The following RANBP2 variants were observed in gnomAD, a reference collection of about 807,000 sequenced individuals.
RANBP2 encodes E3 SUMO-protein ligase RanBP2.
A neutral mutation model predicts 303.6 loss-of-function variants in RANBP2; 57 were observed. The ratio of observed to expected loss-of-function variants is 0.19; its 90% CI spans 0.15 to 0.23. The LOEUF is 0.23. RANBP2 is among the 10% of genes least tolerant of loss of function. The pLI is 1.00. For missense variants in RANBP2, 3,138 were observed against 3,780.8 expected (o/e 0.83, Z 4.46); for synonymous variants, 1,167 against 1,301.5 (o/e 0.90, Z 2.23).
At chr2:109,000,168 T>C in the RANBP2 span, among the ~76,000 whole-genome samples, 1 of 152,182 alleles carries the variant, frequency 6.6e-6, no homozygotes, top group Non-Finnish European at 1.5e-5. Flanking sequence ...CATAACGGTG[T>C]TCCAGATGAG....
chr2:109,334,133 A>G, the RANBP2 span, among the ~76,000 whole-genome samples: 529 of 152,270 alleles, frequency 3.5e-3, 5 homozygotes, highest in African/African-American at 0.012. Flanking sequence ...CCAAAGTGGG[A>G]GGACTGTTTG....
chr2:109,392,680 G>A, the RANBP2 span, among the ~76,000 whole-genome samples: 3 of 152,108 alleles, frequency 2.0e-5, no homozygotes, highest in Admixed American at 6.5e-5. Context: ...CACCACGCCC[G>A]GCTAATTTTT....
the RANBP2 span, among the ~76,000 whole-genome samples, chr2:109,078,268 GTATATATATATATATATA>G: frequency 4.3e-5 from 2 of 46,268 alleles, no homozygotes; most frequent in Admixed American, 2.4e-4. Flanking sequence ...TATATAGCGC[GTATATATATATATATATA>G]TATATATATA....
chr2:109,383,579 G>A, the RANBP2 span, among the ~76,000 whole-genome samples: 2 of 152,136 alleles, frequency 1.3e-5, no homozygotes, highest in African/African-American at 4.8e-5. Flanking sequence ...TAAGATTCGG[G>A]TCCGGGAAAT....
chr2:108,857,045 T>G, the RANBP2 span: 3 of 333,324 alleles, frequency 9.0e-6, no homozygotes, highest in East Asian at 9.4e-5. Flanking sequence ...CATGTATAAC[T>G]CCACATATCA....
intron 19 of RANBP2, among the ~76,000 whole-genome samples, chr2:108,762,631 A>G (rs1423600307): frequency 2.3e-5 from 3 of 128,776 alleles, no homozygotes; most frequent in Non-Finnish European, 4.8e-5. Context: ...TTTTGACCAC[A>G]GGCAAGTTTC....
At chr2:109,685,712 GTGGTTC>G in the RANBP2 span, among the ~76,000 whole-genome samples, 6 of 152,336 alleles carry the variant, frequency 3.9e-5, no homozygotes, top group African/African-American at 1.4e-4. Flanking sequence ...CTGGTTTGCT[GTGGTTC>G]TGGTTCTGGT....
the RANBP2 span, among the ~76,000 whole-genome samples, chr2:109,499,282 G>A: frequency 4.2e-4 from 64 of 152,244 alleles, no homozygotes; most frequent in African/African-American, 1.4e-3. Flanking sequence ...GAGTGCCTTC[G>A]CCCTGCCAGG....
At chr2:109,360,590 CT>C in the RANBP2 span, among the ~76,000 whole-genome samples, 1 of 152,206 alleles carries the variant, frequency 6.6e-6, no homozygotes. Context: ...GTCCAAAACA[CT>C]TTTGGTCTCA....
At chr2:109,294,981 A>G in the RANBP2 span, among the ~76,000 whole-genome samples, 4 of 152,238 alleles carry the variant, frequency 2.6e-5, no homozygotes, top group Non-Finnish European at 5.9e-5. Context: ...TTCAGGGCTC[A>G]TGGTAGCCAG....
At chr2:109,642,520 C>T in the RANBP2 span, among the ~76,000 whole-genome samples, 543 of 151,822 alleles carry the variant, frequency 3.6e-3, 6 homozygotes, top group African/African-American at 0.013. Context: ...GAGGCCGAGG[C>T]GGGCGGATCA....
At chr2:109,506,135 C>A in the RANBP2 span, among the ~76,000 whole-genome samples, 4 of 152,160 alleles carry the variant, frequency 2.6e-5, no homozygotes, top group Non-Finnish European at 5.9e-5. Flanking sequence ...CAGTAGTCTA[C>A]CACTTGGCCT....
chr2:108,723,418 G>T (rs188121830), intron 1 of RANBP2, among the ~76,000 whole-genome samples: 1,948 of 151,834 alleles, frequency 0.013, 49 homozygotes, highest in African/African-American at 0.045. Context: ...GGGACTACAG[G>T]CACCCGCCAC....
chr2:109,582,773 AACTAT>A, the RANBP2 span, among the ~76,000 whole-genome samples: 2 of 152,246 alleles, frequency 1.3e-5, no homozygotes, highest in Non-Finnish European at 2.9e-5. Flanking sequence ...CCTGACTTCA[AACTAT>A]ACTATAAGGC....
At position 108,758,074 on chromosome 2, in the gene RANBP2, G is replaced by A. The variant is rs150076767; in HGVS notation, c.2467-339G>A. On this transcript the variant is annotated intron_variant, in intron 17 of 28. Coordinates refer to ENST00000283195, the MANE Select transcript of RANBP2 (RefSeq NM_006267.5). ...GCACTTTGGGAGGCTGAGGTGGTGG[G>A]TCACTTGAGGTCAGGAGTTCAAGAC... Among the ~76,000 whole-genome samples, 1,367 of 152,176 alleles carry A rather than the reference G, an allele frequency of 9.0e-3. 24 individuals carry two copies. The highest frequency in any genetic ancestry group is 0.03 in the African/African-American group (1,228 of 41,510).
At chr2:109,391,990 A>T in the RANBP2 span, among the ~76,000 whole-genome samples, 1 of 151,674 alleles carries the variant, frequency 6.6e-6, no homozygotes, top group Non-Finnish European at 1.5e-5. Context: ...GCTAATTTTA[A>T]TTTTTTACAG....
chr2:108,794,827 A>T, the RANBP2 span: 1 of 905,342 alleles, frequency 1.1e-6, no homozygotes, highest in Non-Finnish European at 1.6e-6. Context: ...ACTTTAGATA[A>T]GTTTGTCAAG....
the RANBP2 span, among the ~76,000 whole-genome samples, chr2:109,638,974 A>G: frequency 1.3e-5 from 2 of 152,320 alleles, no homozygotes; most frequent in Admixed American, 1.3e-4. Context: ...CAAAGCCTGC[A>G]CCCAGCAGAT....
the RANBP2 span, among the ~76,000 whole-genome samples, chr2:109,001,126 C>T: frequency 1.3e-5 from 2 of 152,088 alleles, no homozygotes; most frequent in Non-Finnish European, 2.9e-5. Flanking sequence ...ATGAGTGGCT[C>T]GTATAAGAAA....
Sources: allele counts gnomAD v4.1 joint callset (sites outside exome capture counted in the v4.1 genomes callset), GRCh38; gene constraint gnomAD v4.1.1; transcripts MANE v1.5; gene names NCBI Gene and HGNC (gene_info 2026-07-23, HGNC 2026-07-21).